CMSS1: variants seen among roughly 807,000 people sequenced by gnomAD.
The protein encoded by CMSS1 is cms1 ribosomal small subunit homolog, also known as protein CMSS1.
CMSS1 carries 33 observed loss-of-function variants against 43.5 expected under a neutral mutation model. The observed-to-expected ratio is 0.76, with a 90% CI of 0.57 to 1.01. The LOEUF is 1.01. Ranked by LOEUF, CMSS1 falls within the 50% of genes least tolerant of loss-of-function variation. The pLI, the probability that CMSS1 is intolerant of heterozygous loss-of-function variation, is 0.00. For missense variants in CMSS1, 313 were observed against 326.4 expected, an observed-to-expected ratio of 0.96 and a Z score of 0.32; for synonymous variants, 115 against 117.2, an observed-to-expected ratio of 0.98 and a Z score of 0.12.
At chr3:100,079,390 TA>T (rs2065898515) in intron 1 of CMSS1, among the ~76,000 whole-genome samples, 1 of 152,264 alleles carries the variant, frequency 6.6e-6, no homozygotes, top group African/African-American at 2.4e-5. Flanking sequence ...AGTTGCTTAG[TA>T]AATATTTGTT....
At chr3:100,056,662 T>G (rs1195566638) in intron 1 of CMSS1, among the ~76,000 whole-genome samples, 1 of 151,844 alleles carries the variant, frequency 6.6e-6, no homozygotes, top group Non-Finnish European at 1.5e-5. Flanking sequence ...GTCTTATTGC[T>G]TTGGACTGCC....
intron 1 of CMSS1, among the ~76,000 whole-genome samples, chr3:100,145,257 A>G (rs2066838777): frequency 6.6e-6 from 1 of 152,056 alleles, no homozygotes; most frequent in Non-Finnish European, 1.5e-5. Context: ...CCTGGCTAAC[A>G]TGGCGAATCC....
intron 1 of CMSS1, among the ~76,000 whole-genome samples, chr3:100,078,615 A>G (rs1350984476): frequency 1.3e-5 from 2 of 152,156 alleles, no homozygotes; most frequent in African/African-American, 4.8e-5. Context: ...TTGGCCTGGC[A>G]TGGTGGCTCG....
intron 7 of CMSS1, 47 bp from the exon 8 acceptor site, chr3:100,172,269 C>T (rs1341700202): frequency 1.3e-6 from 2 of 1,537,588 alleles, no homozygotes; most frequent in Non-Finnish European, 1.8e-6. Context: ...TAAGATAGCA[C>T]TTTCTTAATG....
intron 1 of CMSS1, among the ~76,000 whole-genome samples, chr3:99,919,082 ACCC>A (rs1707044747): frequency 6.6e-6 from 1 of 152,132 alleles, no homozygotes; most frequent in Admixed American, 6.5e-5. Flanking sequence ...AAAGCTTTAT[ACCC>A]ACTGTGTATT....
chr3:99,916,304 C>A (rs1406521352), intron 1 of CMSS1, among the ~76,000 whole-genome samples: 3 of 152,134 alleles, frequency 2.0e-5, no homozygotes, highest in African/African-American at 7.2e-5. Flanking sequence ...AGAATCTACA[C>A]CATTGATTTT....
At chr3:100,035,373 A>G (rs568714213) in intron 1 of CMSS1, among the ~76,000 whole-genome samples, 1 of 152,260 alleles carries the variant, frequency 6.6e-6, no homozygotes, top group East Asian at 1.9e-4. Flanking sequence ...TCCTGGGTTC[A>G]AGCAATTCTC....
intron 1 of CMSS1, among the ~76,000 whole-genome samples, chr3:99,990,791 A>G (rs1310415417): frequency 1.3e-5 from 2 of 152,314 alleles, no homozygotes; most frequent in Non-Finnish European, 1.5e-5. Flanking sequence ...ATAAAAAAAA[A>G]TACCTTTCTG....
intron 1 of CMSS1, among the ~76,000 whole-genome samples, chr3:99,902,474 C>G (rs1374706512): frequency 6.6e-6 from 1 of 152,140 alleles, no homozygotes; most frequent in Non-Finnish European, 1.5e-5. Flanking sequence ...GATTCTATGG[C>G]ATGGTAATAG....
At chr3:100,132,775 C>T (rs1368549521) in intron 1 of CMSS1, among the ~76,000 whole-genome samples, 8 of 147,000 alleles carry the variant, frequency 5.4e-5, no homozygotes, top group African/African-American at 1.3e-4. Context: ...GCCGAGATCC[C>T]GCCACTGCAC....
chr3:100,084,700 G>T (rs1483371043), intron 1 of CMSS1, among the ~76,000 whole-genome samples: 1 of 152,148 alleles, frequency 6.6e-6, no homozygotes, highest in African/African-American at 2.4e-5. Context: ...TGAGGATATG[G>T]ATATTACAGA....
At position 100,058,839 on chromosome 3, in the gene CMSS1, A is replaced by G. The variant is rs187727159; in HGVS notation, c.65-88134A>G. On this transcript the variant is annotated intron_variant, in intron 1 of 9. Transcript: ENST00000421999. ...CCACAGTTTCATATGTGAAGTTTAA[A>G]ATAAAGTTTAGTAGTTGAGTGATGT... is the stretch of plus-strand genomic sequence containing the variant. Among the ~76,000 whole-genome samples, 4 of 152,312 alleles carry G rather than the reference A, an allele frequency of 2.6e-5. No individual in the cohort carries two copies. The East Asian group carries it at 7.7e-4, about 29-fold the overall frequency.
intron 1 of CMSS1, chr3:99,848,789 T>C: frequency 6.2e-7 from 1 of 1,614,142 alleles, no homozygotes; most frequent in Non-Finnish European, 8.5e-7. Flanking sequence ...AGGTCTTCGG[T>C]AGAGGTTTTG....
At chr3:100,066,275 G>A (rs1267450463) in intron 1 of CMSS1, among the ~76,000 whole-genome samples, 1 of 152,130 alleles carries the variant, frequency 6.6e-6, no homozygotes, top group East Asian at 1.9e-4. Flanking sequence ...ATTTTAATGA[G>A]AGTCAATCAC....
At chr3:99,959,791 G>A (rs1248835352) in intron 1 of CMSS1, among the ~76,000 whole-genome samples, 1 of 152,158 alleles carries the variant, frequency 6.6e-6, no homozygotes, top group Non-Finnish European at 1.5e-5. Context: ...ACAATTAAAG[G>A]AAGGGATTGT....
At chr3:100,178,224 G>A (rs2067163717) in intron 9 of CMSS1, 81 bp from the exon 10 acceptor site, 13 of 752,144 alleles carry the variant, frequency 1.7e-5, no homozygotes, top group Middle Eastern at 2.3e-4. Context: ...AAATATCAGG[G>A]AGTCCTGATG....
At chr3:100,026,428 T>G (rs1312879860) in intron 1 of CMSS1, among the ~76,000 whole-genome samples, 1 of 152,076 alleles carries the variant, frequency 6.6e-6, no homozygotes, top group African/African-American at 2.4e-5. Flanking sequence ...GGCCAGTGTC[T>G]TGTCTCGATG....
At chr3:99,876,054 T>C in intron 1 of CMSS1, 2 of 985,758 alleles carry the variant, frequency 2.0e-6, no homozygotes, top group African/African-American at 1.7e-5. Flanking sequence ...TGGAGCGAAG[T>C]TGCTCTCCCG....
intron 1 of CMSS1, among the ~76,000 whole-genome samples, chr3:99,996,776 A>G (rs1474607901): frequency 6.6e-6 from 1 of 152,102 alleles, no homozygotes; most frequent in Non-Finnish European, 1.5e-5. Context: ...CCATGAGAAC[A>G]GTATGGGGAA....
Sources: allele counts gnomAD v4.1 joint callset (sites outside exome capture counted in the v4.1 genomes callset), GRCh38; gene constraint gnomAD v4.1.1; transcripts MANE v1.5; gene names NCBI Gene and HGNC (gene_info 2026-07-23, HGNC 2026-07-21).